The following CELF2 variants were observed in gnomAD, a reference collection of about 807,000 sequenced individuals.
CELF2 encodes CUGBP Elav-like family member 2.
Under a neutral mutation model 62.6 loss-of-function variants are expected in CELF2, and 8 were observed. The ratio of observed to expected loss-of-function variants is 0.13; its 90% CI spans 0.07 to 0.23. The LOEUF (loss-of-function observed/expected upper bound fraction) is 0.23. CELF2 is among the 10% of genes least tolerant of loss of function. The pLI is 1.00. For missense variants in CELF2, 333 were observed against 671.0 expected (o/e 0.50, Z 5.56); for synonymous variants, 258 against 250.0 (o/e 1.03, Z -0.30).
the CELF2 span, among the ~76,000 whole-genome samples, chr10:10,665,076 C>T: frequency 2.0e-5 from 3 of 152,166 alleles, no homozygotes; most frequent in East Asian, 5.8e-4. Context: ...AATTCGTGGG[C>T]ACTTTACAGG....
the CELF2 span, among the ~76,000 whole-genome samples, chr10:10,510,872 G>C: frequency 2.4e-4 from 36 of 152,220 alleles, no homozygotes; most frequent in African/African-American, 8.7e-4. Context: ...TTCTAGATAG[G>C]GGGCATAGCA....
chr10:10,841,345 C>CAAAA (rs34172827), intron 1 of CELF2, among the ~76,000 whole-genome samples: 1 of 145,932 alleles, frequency 6.9e-6, no homozygotes, highest in South Asian at 2.1e-4. Flanking sequence ...GATATAGTAT[C>CAAAA]AAAAAAAAAA....
At chr10:11,124,747 C>G (rs1012969022) in intron 1 of CELF2, among the ~76,000 whole-genome samples, 2 of 152,148 alleles carry the variant, frequency 1.3e-5, no homozygotes, top group Non-Finnish European at 2.9e-5. Flanking sequence ...AGCTTACAGT[C>G]TATTATACGT....
chr10:11,285,419 T>G lies in CELF2; in HGVS notation c.842-2999T>G, dbSNP rs145453677. ...TTTCCAGGCGGCAGCAGGGAAAGGC[T>G]TAGGAGAATGTCAGAAACTGTTGGA... On this transcript the variant is annotated intron_variant, in intron 8 of 12. Transcript: ENST00000633077. The surrounding 1 kb of genome is among the most constrained non-coding windows in gnomAD (Gnocchi z 4.3). 9.0e-4 allele frequency among the ~76,000 whole-genome samples: 137 copies of G among 152,180 alleles called. No homozygotes were observed. Among genetic ancestry groups the G allele is most frequent in the Non-Finnish European group, 1.3e-3 (89 of 67,990 alleles).
chr10:10,875,080 G>T (rs2060996725), intron 1 of CELF2, among the ~76,000 whole-genome samples: 1 of 152,166 alleles, frequency 6.6e-6, no homozygotes, highest in African/African-American at 2.4e-5. Context: ...ATTATGCTCA[G>T]CTTCTTTTGT....
intron 1 of CELF2, among the ~76,000 whole-genome samples, chr10:10,907,109 G>A (rs993038033): frequency 3.3e-5 from 5 of 151,738 alleles, no homozygotes; most frequent in Admixed American, 2.0e-4. Context: ...ACACACACAC[G>A]CAAACGCACA....
the CELF2 span, among the ~76,000 whole-genome samples, chr10:10,579,118 A>C: frequency 6.6e-6 from 1 of 152,210 alleles, no homozygotes. Context: ...GATTGAAGAA[A>C]AAAGGGTATA....
chr10:11,079,649 C>A (rs1378619289), intron 1 of CELF2, among the ~76,000 whole-genome samples: 1 of 152,002 alleles, frequency 6.6e-6, no homozygotes, highest in Admixed American at 6.5e-5. Context: ...GAGGCCTCTG[C>A]AGTCATGCAG....
the CELF2 span, among the ~76,000 whole-genome samples, chr10:10,658,294 A>G: frequency 2.0e-5 from 3 of 152,068 alleles, no homozygotes; most frequent in Non-Finnish European, 2.9e-5. Flanking sequence ...GTGTTGAAAT[A>G]TTTGTTCTGT....
intron 1 of CELF2, among the ~76,000 whole-genome samples, chr10:10,818,335 G>T (rs946228023): frequency 2.0e-5 from 3 of 152,096 alleles, no homozygotes; most frequent in Non-Finnish European, 4.4e-5. Flanking sequence ...GACCCAAGCA[G>T]ATCCAGCTGT....
At chr10:10,792,849 T>C in the CELF2 span, among the ~76,000 whole-genome samples, 2 of 152,224 alleles carry the variant, frequency 1.3e-5, no homozygotes, top group African/African-American at 4.8e-5. Flanking sequence ...CTTTGAATGG[T>C]ATGAAAAGCA....
chr10:11,176,139 C>T (rs1428523535), intron 2 of CELF2, among the ~76,000 whole-genome samples: 1 of 152,164 alleles, frequency 6.6e-6, no homozygotes. Flanking sequence ...ACACGTCTGA[C>T]GTTTTTTCCT....
chr10:10,546,095 A>C, the CELF2 span, among the ~76,000 whole-genome samples: 12 of 152,218 alleles, frequency 7.9e-5, no homozygotes, highest in African/African-American at 2.7e-4. Flanking sequence ...ACTTAAAAAA[A>C]ATTATTCCTA....
rs1169829038 is a variant in CELF2, at chr10:11,309,563, T to A, written c.977-4576T>A. Among the ~76,000 whole-genome samples, 1 of 152,238 alleles carries A rather than the reference T, an allele frequency of 6.6e-6. No homozygotes were observed. The highest frequency in any genetic ancestry group is 2.4e-5 in the African/African-American group (1 of 41,464). On this transcript the variant is annotated intron_variant, in intron 9 of 12. Coordinates refer to ENST00000633077, the MANE Select transcript of CELF2 (RefSeq NM_001326342.2). This position sits in a 1 kb window ranked among gnomAD's most constrained non-coding sequence, Gnocchi z 5.6. The stretch of plus-strand genomic sequence containing the variant: ...TAGCCTCCACTAATCTTCAGTTGTT[T>A]GCGCTATTATTTTTGGCCCAGGAGC...
rs73575651 is a variant in CELF2 at position 11,126,599 on chromosome 10, G to A, written c.75-38887G>A. On this transcript the variant is annotated intron_variant, in intron 1 of 12. Transcript: ENST00000633077. ...GCCTTTCCCGTGGTTCACTCTGGCTGCAGCTACTTAATATGCAGAGCTGTG... is the reference window on the plus strand; with the variant it reads ...GCCTTTCCCGTGGTTCACTCTGGCTACAGCTACTTAATATGCAGAGCTGTG... 4.3e-3 allele frequency among the ~76,000 whole-genome samples: 654 copies of A among 152,324 alleles called. 5 individuals carry two copies. Among genetic ancestry groups the A allele is most frequent in the African/African-American group, 0.015 (635 of 41,560 alleles).
chr10:10,635,577 T>C, the CELF2 span, among the ~76,000 whole-genome samples: 1 of 152,202 alleles, frequency 6.6e-6, no homozygotes, highest in African/African-American at 2.4e-5. Flanking sequence ...ATAAAATCTT[T>C]GTGTTTAAAA....
At chr10:10,975,426 G>C (rs191514052) in intron 2 of CELF2, among the ~76,000 whole-genome samples, 2 of 152,168 alleles carry the variant, frequency 1.3e-5, no homozygotes, top group Non-Finnish European at 1.5e-5. Context: ...GAGCCACTGC[G>C]CCTGGCCAAC....
chr10:10,963,692 G>A, intron 2 of CELF2, among the ~76,000 whole-genome samples: 1 of 152,182 alleles, frequency 6.6e-6, no homozygotes, highest in Non-Finnish European at 1.5e-5. Flanking sequence ...CTGTTAACTG[G>A]ATTTAGTTTA....
In CELF2 at chr10:11,324,831, C is replaced by T. The variant is rs965061021; in HGVS notation, c.1295-1005C>T. 6.6e-6 allele frequency among the ~76,000 whole-genome samples: 1 copy of T among 152,152 alleles called. No individual in the cohort carries two copies. The highest frequency in any genetic ancestry group is 6.5e-5 in the Admixed American group (1 of 15,276). On this transcript the variant is annotated intron_variant, in intron 11 of 12. Coordinates refer to ENST00000633077, the MANE Select transcript of CELF2 (RefSeq NM_001326342.2). This position sits in a 1 kb window ranked among gnomAD's most constrained non-coding sequence, Gnocchi z 4.7. ...GGGGTTGCCTAGTTGGGCAGGCAGG[C>T]CTGTTCCTCTCCTGTGAAGGCCAGT...
Sources: allele counts gnomAD v4.1 joint callset (sites outside exome capture counted in the v4.1 genomes callset), GRCh38; gene constraint gnomAD v4.1.1; non-coding constraint Gnocchi (gnomAD v3.1); transcripts MANE v1.5; gene names NCBI Gene and HGNC (gene_info 2026-07-23, HGNC 2026-07-21).